Variants in DIAPH3 observed in about 807,000 individuals in gnomAD.
DIAPH3 encodes the protein diaphanous related formin 3, also known as protein diaphanous homolog 3.
In DIAPH3, 117 loss-of-function variants were observed where a neutral mutation model predicts 144.3. That is an observed-to-expected ratio of 0.81 (90% CI 0.70 to 0.95). DIAPH3 has a LOEUF of 0.95. Among genes scored for constraint, DIAPH3 ranks in the 40% least tolerant of loss-of-function variants. The pLI is 0.00. For missense variants in DIAPH3, 1,421 were observed against 1,412.7 expected, an observed-to-expected ratio of 1.01 and a Z score of -0.09; for synonymous variants, 519 against 488.9, an observed-to-expected ratio of 1.06 and a Z score of -0.81.
At chr13:59,847,420 TGAAA>T (rs952330520) in intron 22 of DIAPH3, among the ~76,000 whole-genome samples, 6 of 152,198 alleles carry the variant, frequency 3.9e-5, no homozygotes, top group African/African-American at 1.4e-4. Flanking sequence ...TTTCATCCCC[TGAAA>T]GAAAGAGCCA....
At chr13:59,810,278 A>T (rs1485653102) in intron 25 of DIAPH3, among the ~76,000 whole-genome samples, 2 of 151,928 alleles carry the variant, frequency 1.3e-5, no homozygotes, top group Admixed American at 6.6e-5. Flanking sequence ...TCCCACCTCA[A>T]CCTCCCGAGT....
At chr13:59,759,117 T>C (rs2037441953) in intron 27 of DIAPH3, among the ~76,000 whole-genome samples, 1 of 152,114 alleles carries the variant, frequency 6.6e-6, no homozygotes, top group Admixed American at 6.6e-5. Flanking sequence ...ATTTCTGATT[T>C]TGAAATAGTG....
intron 20 of DIAPH3, among the ~76,000 whole-genome samples, chr13:59,889,306 T>C (rs1395121710): frequency 6.6e-6 from 1 of 152,094 alleles, no homozygotes; most frequent in African/African-American, 2.4e-5. Context: ...ATTCAGTCTT[T>C]CTTCCTACAT....
intron 27 of DIAPH3, among the ~76,000 whole-genome samples, chr13:59,719,374 C>G (rs2035224830): frequency 6.6e-6 from 1 of 152,034 alleles, no homozygotes; most frequent in Non-Finnish European, 1.5e-5. Context: ...TTTTAGTTAA[C>G]AAATAAAACA....
chr13:59,863,078 A>G (rs1243273932), intron 21 of DIAPH3, among the ~76,000 whole-genome samples: 1 of 152,108 alleles, frequency 6.6e-6, no homozygotes, highest in Non-Finnish European at 1.5e-5. Flanking sequence ...ACCAATCCTA[A>G]TCTGAAATGG....
chr13:59,926,699 A>C (rs973584884), intron 17 of DIAPH3, among the ~76,000 whole-genome samples: 2 of 152,174 alleles, frequency 1.3e-5, no homozygotes, highest in African/African-American at 4.8e-5. Context: ...AAGATACTTA[A>C]TATAATTTTG....
intron 16 of DIAPH3, 141 bp downstream of exon 16, chr13:59,970,711 G>T: frequency 1.4e-6 from 1 of 730,382 alleles, no homozygotes; most frequent in Non-Finnish European, 2.1e-6. Context: ...TTGTCACTTT[G>T]ATTAGTGACA....
At chr13:59,718,378 T>C (rs530293930) in intron 27 of DIAPH3, among the ~76,000 whole-genome samples, 2 of 152,338 alleles carry the variant, frequency 1.3e-5, no homozygotes, top group South Asian at 4.1e-4. Context: ...ATCAGATGTT[T>C]AGCATTTGAG....
At chr13:59,872,043 T>C (rs1310485542) in intron 21 of DIAPH3, among the ~76,000 whole-genome samples, 1 of 152,190 alleles carries the variant, frequency 6.6e-6, no homozygotes, top group Non-Finnish European at 1.5e-5. Flanking sequence ...GTGGGTTTGA[T>C]TTTCTCTATT....
intron 5 of DIAPH3, among the ~76,000 whole-genome samples, chr13:60,032,810 T>C (rs2054902513): frequency 6.6e-6 from 1 of 152,260 alleles, no homozygotes; most frequent in Non-Finnish European, 1.5e-5. Context: ...CTCCACAGCC[T>C]TCTTGAGTTC....
chr13:59,931,356 C>T (rs913890976), intron 17 of DIAPH3, among the ~76,000 whole-genome samples: 1 of 152,134 alleles, frequency 6.6e-6, no homozygotes, highest in African/African-American at 2.4e-5. Context: ...TGTAGTCTCT[C>T]CACTACAGTG....
chr13:59,891,741 T>C (rs557478308), intron 20 of DIAPH3, among the ~76,000 whole-genome samples: 5 of 152,036 alleles, frequency 3.3e-5, no homozygotes, highest in Non-Finnish European at 7.4e-5. Context: ...TAGGTACCTA[T>C]AGCAAACAGA....
In DIAPH3 at chr13:60,015,916, C is replaced by A; in HGVS notation, c.768G>T (p.Thr256=). ...TACTAATTACGTATGTACATACCTG[C>A]GTATTCATCAGGGCTTTTAGACACT... ...VIQCLKALMN[T]QYGLERIMSE... Residue 256 remains threonine (T), a synonymous_variant, in exon 7 of 28, where the codon ACG becomes ACT. Coordinates refer to ENST00000400324, the MANE Select transcript of DIAPH3 (RefSeq NM_001042517.2). 1 of 1,610,758 alleles carries A rather than the reference C, an allele frequency of 6.2e-7. No individual in the cohort carries two copies. The highest frequency in any genetic ancestry group is 8.5e-7 in the Non-Finnish European group (1 of 1,177,862).
At chr13:59,817,020 G>C (rs1355909884) in intron 24 of DIAPH3, among the ~76,000 whole-genome samples, 1 of 151,632 alleles carries the variant, frequency 6.6e-6, no homozygotes, top group African/African-American at 2.4e-5. Flanking sequence ...TCAAACTAGA[G>C]GTTTTAAAAT....
At chr13:60,133,515 A>G (rs1432196768) in intron 1 of DIAPH3, among the ~76,000 whole-genome samples, 1 of 152,154 alleles carries the variant, frequency 6.6e-6, no homozygotes, top group African/African-American at 2.4e-5. Context: ...CTAGTAACAG[A>G]GAAGAATGTA....
At chr13:59,682,110 T>A (rs2032980225) in intron 27 of DIAPH3, among the ~76,000 whole-genome samples, 1 of 152,160 alleles carries the variant, frequency 6.6e-6, no homozygotes, top group African/African-American at 2.4e-5. Flanking sequence ...TTGCTGTATA[T>A]CTACTGACAA....
intron 17 of DIAPH3, among the ~76,000 whole-genome samples, chr13:59,968,086 A>T (rs2050158130): frequency 6.6e-6 from 1 of 152,216 alleles, no homozygotes; most frequent in South Asian, 2.1e-4. Flanking sequence ...CTTTCTAACT[A>T]GTATTAGATA....
intron 27 of DIAPH3, among the ~76,000 whole-genome samples, chr13:59,691,123 A>G (rs1366479126): frequency 6.6e-6 from 1 of 152,140 alleles, no homozygotes; most frequent in Non-Finnish European, 1.5e-5. Context: ...GTGTTTAGGG[A>G]GAATGATGGC....
chr13:59,792,559 A>G (rs1278597608), intron 25 of DIAPH3, among the ~76,000 whole-genome samples: 1 of 152,204 alleles, frequency 6.6e-6, no homozygotes, highest in African/African-American at 2.4e-5. Context: ...TTCCTTGGCC[A>G]TAATCGAAAT....
Sources: gnomAD v4.1 joint callset for allele counts (sites outside exome capture counted in the v4.1 genomes callset) on GRCh38, gnomAD v4.1.1 for gene constraint, MANE v1.5 for transcripts, NCBI Gene and HGNC (gene_info 2026-07-23, HGNC 2026-07-21) for gene names.